KALRN: variants seen among roughly 807,000 people sequenced by gnomAD.
KALRN encodes the protein kalirin.
Under a neutral mutation model 353.7 loss-of-function variants are expected in KALRN, and 70 were observed. The observed-to-expected ratio is 0.20, with a 90% CI of 0.16 to 0.24. KALRN has a LOEUF of 0.24. Among genes scored for constraint, KALRN ranks in the 10% least tolerant of loss-of-function variants. The pLI is 1.00. For synonymous variants in KALRN, 1,391 were observed against 1,434.8 expected (o/e 0.97, Z 0.69); for missense variants, 2,791 against 3,756.7 (o/e 0.74, Z 6.72).
At chr3:124,296,123 G>T (rs1560490532) in intron 5 of KALRN, among the ~76,000 whole-genome samples, 1 of 152,178 alleles carries the variant, frequency 6.6e-6, no homozygotes, top group East Asian at 1.9e-4. Flanking sequence ...CCTTTGGAAG[G>T]TGATGTTTTT....
chr3:124,473,563 C>T (rs541469909), intron 25 of KALRN, among the ~76,000 whole-genome samples: 148 of 152,222 alleles, frequency 9.7e-4, no homozygotes, highest in Non-Finnish European at 1.8e-3. Context: ...TTAGCTTCTC[C>T]CAGAGTTCTT....
chr3:124,484,777 T>C (rs961182772), intron 28 of KALRN, among the ~76,000 whole-genome samples: 6 of 152,244 alleles, frequency 3.9e-5, no homozygotes, highest in Admixed American at 3.3e-4. Context: ...TATCTTCTTC[T>C]TTCCTATCCC....
chr3:124,592,992 A>G (rs994690226), intron 34 of KALRN, among the ~76,000 whole-genome samples: 10 of 152,206 alleles, frequency 6.6e-5, no homozygotes, highest in Non-Finnish European at 4.4e-5. Context: ...CTGCTAGGTC[A>G]AAGCAGTACC....
chr3:124,320,216 A>C (rs996869167), intron 6 of KALRN, among the ~76,000 whole-genome samples: 1 of 152,114 alleles, frequency 6.6e-6, no homozygotes, highest in African/African-American at 2.4e-5. Flanking sequence ...TTGATTTGGA[A>C]AGTCAAGGTC....
chr3:124,560,527 T>G (rs2071847869), intron 33 of KALRN, among the ~76,000 whole-genome samples: 1 of 152,230 alleles, frequency 6.6e-6, no homozygotes, highest in South Asian at 2.1e-4. Context: ...AGCTTGTGTT[T>G]CAGTGATAAA....
intron 33 of KALRN, among the ~76,000 whole-genome samples, chr3:124,504,451 A>G (rs522554): frequency 0.84 from 127,222 of 152,160 alleles, 55,351 homozygotes; most frequent in Non-Finnish European, 0.95. Flanking sequence ...CAACAGAAAG[A>G]AAACCCTACT....
intron 37 of KALRN, among the ~76,000 whole-genome samples, chr3:124,644,139 T>C (rs1340029700): frequency 6.6e-6 from 1 of 152,192 alleles, no homozygotes; most frequent in Non-Finnish European, 1.5e-5. Context: ...AGCTGCCTTC[T>C]CCACTTTGCT....
At chr3:124,518,184 C>T (rs762699565) in intron 33 of KALRN, among the ~76,000 whole-genome samples, 4 of 152,154 alleles carry the variant, frequency 2.6e-5, no homozygotes, top group South Asian at 2.1e-4. Flanking sequence ...TCTTCTGAAC[C>T]GTCAGACCAA....
intron 33 of KALRN, chr3:124,518,981 G>C (rs2066932268): frequency 2.0e-6 from 2 of 990,108 alleles, no homozygotes; most frequent in Non-Finnish European, 2.4e-6. Flanking sequence ...GAAGAAGAAG[G>C]GATGATGTGT....
intron 11 of KALRN, among the ~76,000 whole-genome samples, chr3:124,390,149 G>T (rs2089131514): frequency 2.0e-5 from 3 of 152,202 alleles, no homozygotes; most frequent in Admixed American, 1.3e-4. Context: ...CATTCTTTTT[G>T]TCCAGGAACA....
intron 37 of KALRN, among the ~76,000 whole-genome samples, chr3:124,643,260 G>A (rs949732623): frequency 6.6e-6 from 1 of 152,084 alleles, no homozygotes; most frequent in Non-Finnish European, 1.5e-5. Context: ...CAATTCTCCT[G>A]CAATGGCCTC....
chr3:124,577,292 C>T (rs1578107864), intron 34 of KALRN, among the ~76,000 whole-genome samples: 1 of 151,612 alleles, frequency 6.6e-6, no homozygotes, highest in South Asian at 2.1e-4. Context: ...AAGAGGCAAA[C>T]AGGTGTCAAT....
rs2086504609 is a variant in KALRN, at chr3:124,671,898, G to T, written c.6942G>T (p.Lys2314Asn). The T allele has an allele frequency of 6.2e-7, 1 of 1,606,228 alleles. No individual in the cohort carries two copies. Among genetic ancestry groups the T allele is most frequent in the Non-Finnish European group, 8.5e-7 (1 of 1,173,232 alleles). Reference protein sequence around the residue: ...HQPGDKFEASKNDLGGCNGTS... With the variant: ...HQPGDKFEASNNDLGGCNGTS... ...CTGGGGACAAGTTCGAAGCCAGCAAGGTAAGTGACAACTCATTACTCCCAC... is the reference window on the plus strand; with the variant it reads ...CTGGGGACAAGTTCGAAGCCAGCAATGTAAGTGACAACTCATTACTCCCAC... Residue 2314 changes from lysine to asparagine, a missense_variant and splice_region_variant, in exon 48 of 60, where the codon AAG becomes AAT. By Grantham distance (94) the Lys-to-Asn change is moderately conservative. Transcript: ENST00000682506.
intron 1 of KALRN, chr3:124,079,979 T>C: frequency 2.1e-6 from 1 of 469,136 alleles, no homozygotes; most frequent in South Asian, 1.6e-5. Flanking sequence ...TTTATTATTC[T>C]GATGTCATGC....
chr3:124,487,623 C>T (rs969851383), intron 28 of KALRN, among the ~76,000 whole-genome samples: 1 of 152,190 alleles, frequency 6.6e-6, no homozygotes, highest in Non-Finnish European at 1.5e-5. Context: ...AGATTAGGAA[C>T]TCCTGATCCA....
At chr3:124,587,698 CTTTTTTTT>C (rs529810541) in intron 34 of KALRN, among the ~76,000 whole-genome samples, 36 of 75,858 alleles carry the variant, frequency 4.7e-4, no homozygotes, top group African/African-American at 1.7e-3. Context: ...CCACCCTCCA[CTTTTTTTT>C]TTTTTTTTTT....
chr3:124,240,943 AATAATG>A (rs1312850498), intron 3 of KALRN, among the ~76,000 whole-genome samples: 18 of 152,336 alleles, frequency 1.2e-4, no homozygotes, highest in African/African-American at 4.1e-4. Flanking sequence ...CAGTAATAGT[AATAATG>A]ATAATAATAG....
At chr3:124,265,050 T>G (rs1225169408) in intron 4 of KALRN, among the ~76,000 whole-genome samples, 1 of 152,168 alleles carries the variant, frequency 6.6e-6, no homozygotes, top group Non-Finnish European at 1.5e-5. Flanking sequence ...GTACATATTT[T>G]TGGGTACATG....
chr3:124,530,519 G>A (rs1048428007), intron 33 of KALRN, among the ~76,000 whole-genome samples: 1 of 152,076 alleles, frequency 6.6e-6, no homozygotes, highest in African/African-American at 2.4e-5. Context: ...AGCCTCTTGA[G>A]TAGCTGGGAC....
Sources: allele counts gnomAD v4.1 joint callset (sites outside exome capture counted in the v4.1 genomes callset), GRCh38; gene constraint gnomAD v4.1.1; transcripts MANE v1.5; gene names NCBI Gene and HGNC (gene_info 2026-07-23, HGNC 2026-07-21).